The following LRRC20 variants were observed in gnomAD, a reference collection of about 807,000 sequenced individuals.
The protein encoded by LRRC20 is leucine rich repeat containing 20, also known as leucine-rich repeat-containing protein 20.
In LRRC20, 11 loss-of-function variants were observed where a neutral mutation model predicts 14.4. The observed-to-expected ratio is 0.77, with a 90% CI of 0.48 to 1.27. The LOEUF is 1.27. LRRC20 is among the 50% of genes most tolerant of loss of function. LRRC20 has a pLI of 0.00. For synonymous variants in LRRC20, 121 were observed against 107.3 expected (o/e 1.13, Z -0.79); for missense variants, 219 against 251.2 (o/e 0.87, Z 0.87).
intron 2 of LRRC20, among the ~76,000 whole-genome samples, chr10:70,365,188 T>C (rs1843934817): frequency 6.6e-6 from 1 of 151,340 alleles, no homozygotes; most frequent in Admixed American, 6.6e-5. Flanking sequence ...GCCTCCCGAG[T>C]AGCTGGGATT....
intron 4 of LRRC20, among the ~76,000 whole-genome samples, chr10:70,307,002 C>G (rs138740171): frequency 2.8e-4 from 42 of 152,320 alleles, no homozygotes; most frequent in African/African-American, 9.1e-4. Context: ...GCTCCTGTAT[C>G]TTTTGACATG....
chr10:70,376,742 G>A (rs1477287372), intron 1 of LRRC20, 146 bp from the exon 2 acceptor site: 3 of 579,138 alleles, frequency 5.2e-6, no homozygotes, highest in Non-Finnish European at 9.3e-6. Flanking sequence ...CTCTTGCAGG[G>A]CCGAGAGCTC....
intron 1 of LRRC20, among the ~76,000 whole-genome samples, chr10:70,379,425 C>T (rs544828032): frequency 6.6e-6 from 1 of 152,310 alleles, no homozygotes; most frequent in South Asian, 2.1e-4. Flanking sequence ...AAACAAAAAA[C>T]CCAGGTATCC....
chr10:70,341,458 A>G (rs923881614), intron 2 of LRRC20, among the ~76,000 whole-genome samples: 2 of 152,246 alleles, frequency 1.3e-5, no homozygotes, highest in South Asian at 4.1e-4. Flanking sequence ...GAAAGGGAAT[A>G]TCATCCAGCA....
chr10:70,370,976 C>T lies in LRRC20; in HGVS notation c.82+5476G>A, dbSNP rs147809769. On this transcript the variant is annotated intron_variant, in intron 2 of 4. Transcript: ENST00000446961. ...TCAAGGCTGCAGGGAACTATGATTG[C>T]GCCACTGCACTCCAGCCTGGGTGAC... Among the ~76,000 whole-genome samples the T allele has an allele frequency of 5.3e-3, 812 of 152,142 alleles. 10 individuals are homozygous for T. Among genetic ancestry groups the T allele is most frequent in the African/African-American group, 0.018 (750 of 41,510 alleles).
At chr10:70,307,904 C>T (rs772646119) in intron 4 of LRRC20, among the ~76,000 whole-genome samples, 1 of 152,244 alleles carries the variant, frequency 6.6e-6, no homozygotes, top group Non-Finnish European at 1.5e-5. Context: ...AACATGTGTC[C>T]AGCTAGTGCA....
intron 2 of LRRC20, among the ~76,000 whole-genome samples, chr10:70,369,901 G>A (rs912032532): frequency 7.2e-5 from 11 of 152,204 alleles, no homozygotes; most frequent in Admixed American, 3.9e-4. Context: ...GCAACATGGC[G>A]AAACCCCATC....
At chr10:70,371,942 T>C (rs1844288563) in intron 2 of LRRC20, among the ~76,000 whole-genome samples, 1 of 152,088 alleles carries the variant, frequency 6.6e-6, no homozygotes, top group Non-Finnish European at 1.5e-5. Context: ...TGGGGGAGCA[T>C]GTGAAGTGCT....
At chr10:70,314,185 A>G (rs1841775219) in intron 4 of LRRC20, among the ~76,000 whole-genome samples, 1 of 152,186 alleles carries the variant, frequency 6.6e-6, no homozygotes, top group South Asian at 2.1e-4. Context: ...GCTACAATTC[A>G]AGATGAGATT....
chr10:70,311,510 C>G (rs936788552), intron 4 of LRRC20, among the ~76,000 whole-genome samples: 1 of 152,190 alleles, frequency 6.6e-6, no homozygotes, highest in African/African-American at 2.4e-5. Flanking sequence ...GCATGAGCCA[C>G]TGCACTCGGC....
intron 3 of LRRC20, among the ~76,000 whole-genome samples, chr10:70,333,944 G>A (rs1478078922): frequency 6.6e-6 from 1 of 152,176 alleles, no homozygotes; most frequent in Admixed American, 6.5e-5. Flanking sequence ...GAGGCCAGGA[G>A]TTTGAGACCA....
chr10:70,338,924 G>A lies in LRRC20; in HGVS notation c.232+1629C>T, dbSNP rs1450337715. On this transcript the variant is annotated intron_variant, in intron 3 of 4. Transcript: ENST00000446961. ...GATCCACCTGCCTCAGCCTCCCAAA[G>A]TGCTGGGATTACAGGCGTGAGCCAC... Among the ~76,000 whole-genome samples the A allele has an allele frequency of 4.6e-5, 7 of 152,198 alleles. No homozygotes were observed. In the South Asian group the frequency reaches 1.4e-3, roughly 32 times the overall value.
At chr10:70,363,787 A>G (rs994723290) in intron 2 of LRRC20, among the ~76,000 whole-genome samples, 1 of 152,120 alleles carries the variant, frequency 6.6e-6, no homozygotes, top group Admixed American at 6.6e-5. Context: ...AGGAGCCCCA[A>G]TCCAGACAGA....
At chr10:70,365,110 A>C (rs1421729282) in intron 2 of LRRC20, among the ~76,000 whole-genome samples, 1 of 125,930 alleles carries the variant, frequency 7.9e-6, no homozygotes, top group East Asian at 2.4e-4. Context: ...CCCAGGCTGG[A>C]GTGCAGTGGC....
chr10:70,315,530 G>A (rs2046285031), intron 4 of LRRC20, among the ~76,000 whole-genome samples: 1 of 152,200 alleles, frequency 6.6e-6, no homozygotes, highest in South Asian at 2.1e-4. Context: ...TCCAAAGACT[G>A]TTTACAAATT....
intron 4 of LRRC20, among the ~76,000 whole-genome samples, chr10:70,305,026 T>C (rs1362219616): frequency 6.6e-6 from 1 of 151,932 alleles, no homozygotes; most frequent in African/African-American, 2.4e-5. Context: ...CTCTACTAAA[T>C]ACAAAAAATT....
chr10:70,364,894 C>T (rs1317860684), intron 2 of LRRC20, among the ~76,000 whole-genome samples: 1 of 152,116 alleles, frequency 6.6e-6, no homozygotes, highest in East Asian at 1.9e-4. Flanking sequence ...CATCCAGAAC[C>T]CTGCCAGGCA....
At chr10:70,347,668 A>G (rs572039301) in intron 2 of LRRC20, among the ~76,000 whole-genome samples, 1 of 152,052 alleles carries the variant, frequency 6.6e-6, no homozygotes, top group South Asian at 2.1e-4. Context: ...AAAAATACAA[A>G]AATCTGCCGG....
In LRRC20 at chr10:70,345,710, T is replaced by C. The variant is rs140974604; in HGVS notation, c.83-5008A>G. 1.3e-3 allele frequency among the ~76,000 whole-genome samples: 197 copies of C among 152,342 alleles called. 1 individual carries two copies. Among genetic ancestry groups the C allele is most frequent in the Admixed American group, 3.2e-3 (49 of 15,304 alleles). The stretch of plus-strand genomic sequence containing the variant: ...TCCAAATTGCTTTCCAGAATATTTA[T>C]GCCAATTTACATGTAACCTATCCAA... On this transcript the variant is annotated intron_variant, in intron 2 of 4. Transcript: ENST00000446961.
Sources: allele counts gnomAD v4.1 joint callset (sites outside exome capture counted in the v4.1 genomes callset), GRCh38; gene constraint gnomAD v4.1.1; transcripts MANE v1.5; gene names NCBI Gene and HGNC (gene_info 2026-07-23, HGNC 2026-07-21).